Variants in CDH15 observed in about 807,000 individuals in gnomAD.
CDH15 encodes the protein cadherin-15.
CDH15 carries 73 observed loss-of-function variants against 69.4 expected under a neutral mutation model. That is an observed-to-expected ratio of 1.05 (90% confidence interval 0.87 to 1.28). CDH15 has a LOEUF of 1.28. Among genes scored for constraint, CDH15 ranks in the 50% most tolerant of loss-of-function variants. The pLI, the probability that CDH15 is intolerant of heterozygous loss-of-function variation, is 0.00. For missense variants in CDH15, 1,343 were observed against 1,133.6 expected (o/e 1.18, Z -2.65); for synonymous variants, 624 against 507.7 (o/e 1.23, Z -3.08).
chr16:89,192,505 G>C (rs758568874), intron 11 of CDH15, 61 bp downstream of exon 11: 3 of 1,538,834 alleles, frequency 1.9e-6, no homozygotes, highest in African/African-American at 2.7e-5. Context: ...TCCCCAGGCC[G>C]TCCCCTGCTA....
In CDH15 at chr16:89,190,236, C is replaced by A. The variant is rs774448155; in HGVS notation, c.979-7C>A. 3 of 1,611,578 alleles carry A rather than the reference C, an allele frequency of 1.9e-6. No individual in the cohort carries two copies. Among genetic ancestry groups the A allele is most frequent in the African/African-American group, 1.3e-5 (1 of 74,942 alleles). On this transcript the variant is annotated splice_polypyrimidine_tract_variant and splice_region_variant and intron_variant, in intron 7 of 13. Transcript: ENST00000289746. The stretch of plus-strand genomic sequence containing the variant: ...GGCGGATGACGGGCTGTGCTTCCTT[C>A]CCTCAGGCCCTGGACTATGAGAGCT...
chr16:89,191,433 G>A lies in CDH15; in HGVS notation c.1336G>A (p.Gly446Ser), dbSNP rs1478256609. The A allele has an allele frequency of 6.2e-7, 1 of 1,612,720 alleles. No homozygotes were observed. The highest frequency in any genetic ancestry group is 8.5e-7 in the Non-Finnish European group (1 of 1,179,998). Residue 446 changes from glycine (G) to serine (S), a missense_variant, in exon 9 of 14, where the codon GGC (glycine) becomes AGC (serine). Physicochemically the swap from Gly to Ser is moderately conservative, Grantham distance 56. Transcript: ENST00000289746. Reference protein sequence around the residue: ...VLSPASPFLKGGWYRAIVLAQ... With the variant: ...VLSPASPFLKSGWYRAIVLAQ... ...CAGCCCGGCGTCCCCCTTCCTCAAG[G>A]GCGGCTGGTACAGAGCCATCGTCCT...
chr16:89,187,989 T>C, intron 6 of CDH15, 111 bp from the exon 7 acceptor site: 1 of 781,772 alleles, frequency 1.3e-6, no homozygotes, highest in South Asian at 1.7e-5. Context: ...GTGTTCCTGC[T>C]GGGAGGCAGG....
At chr16:89,179,736 G>A (rs562120051) in intron 2 of CDH15, among the ~76,000 whole-genome samples, 162 bp downstream of exon 2, 14 of 152,328 alleles carry the variant, frequency 9.2e-5, no homozygotes, top group Admixed American at 2.0e-4. Context: ...TTCCAACCTG[G>A]GTCTAGAGCA....
chr16:89,190,230 T>G lies in CDH15; in HGVS notation c.979-13T>G. The G allele has an allele frequency of 6.2e-7, 1 of 1,611,234 alleles. No individual in the cohort carries two copies. The highest frequency in any genetic ancestry group is 8.5e-7 in the Non-Finnish European group (1 of 1,179,336). ...GCGTTGGGCGGATGACGGGCTGTGC[T>G]TCCTTCCCTCAGGCCCTGGACTATG... On this transcript the variant is annotated splice_polypyrimidine_tract_variant and intron_variant, in intron 7 of 13. Coordinates refer to ENST00000289746, the MANE Select transcript of CDH15 (RefSeq NM_004933.3).
Position 89,195,436 on chromosome 16 carries a change from A to C in CDH15, c.*281A>C. 6 of 496,848 alleles carry C rather than the reference A, an allele frequency of 1.2e-5. No individual in the cohort carries two copies. The highest frequency in any genetic ancestry group is 1.8e-5 in the Non-Finnish European group (5 of 279,016). 30.8% of individuals were successfully genotyped at this position (496,848 alleles called of 1,614,324 possible). ...ACCAGTGAACCTCATCTTTGTATGA[A>C]AGACAGCAACCTCCTGGGTAAATCT... On this transcript the variant is annotated 3_prime_UTR_variant, in exon 14 of 14. Coordinates refer to ENST00000289746, the MANE Select transcript of CDH15 (RefSeq NM_004933.3).
Position 89,190,340 on chromosome 16 carries a change from A to T in CDH15, c.1076A>T (p.Gln359Leu). Residue 359 changes from glutamine (Q) to leucine (L), a missense_variant, in exon 8 of 14, where the codon CAG becomes CTG. Physicochemically the swap from Gln to Leu is moderately radical, Grantham distance 113. Coordinates refer to ENST00000289746, the MANE Select transcript of CDH15 (RefSeq NM_004933.3). ...GCTGCCCTTAGGGCTGAGCGGGGCC[A>T]GGCCAAGGTCCGCGTGCATGTGCAG... ...QAAALRAERG[Q>L]AKVRVHVQDT... is the part of the protein sequence containing the mutation. The T allele has an allele frequency of 6.2e-7, 1 of 1,612,668 alleles. No individual in the cohort carries two copies. The highest frequency in any genetic ancestry group is 1.7e-5 in the Admixed American group (1 of 59,966).
intron 3 of CDH15, chr16:89,183,099 T>C (rs553810795): frequency 1.3e-5 from 2 of 159,928 alleles, no homozygotes; most frequent in East Asian, 1.8e-4. Flanking sequence ...GGAGAATCGC[T>C]TGAACCCAGG....
At chr16:89,176,431 C>A (rs994425112) in intron 1 of CDH15, among the ~76,000 whole-genome samples, 1 of 152,198 alleles carries the variant, frequency 6.6e-6, no homozygotes, top group Non-Finnish European at 1.5e-5. Flanking sequence ...GTTCTCGGTG[C>A]TCCATTTCAT....
intron 1 of CDH15, among the ~76,000 whole-genome samples, chr16:89,175,142 G>A (rs1457447502): frequency 2.0e-5 from 3 of 152,200 alleles, no homozygotes; most frequent in Admixed American, 2.0e-4. Flanking sequence ...GACAGGCCTG[G>A]GCCCAGGACT....
rs770333207 is a variant in CDH15 at position 89,188,261 on chromosome 16, C to T, written c.954C>T (p.Asn318=). The T allele has an allele frequency of 7.4e-6, 12 of 1,613,468 alleles. No individual in the cohort carries two copies. In the Admixed American group the frequency reaches 1.0e-4, roughly 13 times the overall value. ...QFTIRTDPKT[N]EGVLSIVKAL... ...CCATCCGCACGGACCCCAAGACCAA[C>T]GAGGGTGTTCTGTCCATTGTGAAGG... Residue 318 remains asparagine, a synonymous_variant, in exon 7 of 14, where the codon AAC becomes AAT. Transcript: ENST00000289746.
At chr16:89,172,153 C>T (rs1416202017) in intron 1 of CDH15, among the ~76,000 whole-genome samples, 3 of 152,100 alleles carry the variant, frequency 2.0e-5, no homozygotes, top group South Asian at 2.1e-4. Flanking sequence ...CCCAGGTAGC[C>T]GTGCCCTCTC....
chr16:89,193,383 C>A, intron 11 of CDH15, 87 bp from the exon 12 acceptor site: 5 of 950,482 alleles, frequency 5.3e-6, no homozygotes, highest in South Asian at 4.8e-5. Flanking sequence ...TGCCCCGCCC[C>A]GCCCCCTCCT....
intron 11 of CDH15, among the ~76,000 whole-genome samples, chr16:89,192,702 TC>T: frequency 4.0e-5 from 1 of 25,164 alleles, no homozygotes. Context: ...CCACGCCGCT[TC>T]CTCCCCAGCT....
intron 1 of CDH15, 82 bp from the exon 2 acceptor site, chr16:89,179,334 C>A: frequency 6.5e-7 from 1 of 1,547,600 alleles, no homozygotes; most frequent in South Asian, 1.1e-5. Flanking sequence ...GTGGCCTCCT[C>A]ACCACCCACA....
intron 1 of CDH15, among the ~76,000 whole-genome samples, chr16:89,176,136 G>A (rs1270719066): frequency 1.3e-5 from 2 of 152,264 alleles, no homozygotes; most frequent in African/African-American, 4.8e-5. Flanking sequence ...CAGGCTTCCT[G>A]GCCATGCCAA....
intron 2 of CDH15, 129 bp downstream of exon 2, chr16:89,179,703 C>T: frequency 1.1e-6 from 1 of 942,486 alleles, no homozygotes; most frequent in Non-Finnish European, 1.6e-6. Flanking sequence ...GCAGGACTCG[C>T]CCACCTTGCC....
At chr16:89,192,010 G>A (rs1915658382) in intron 10 of CDH15, 116 bp downstream of exon 10, 2 of 1,198,246 alleles carry the variant, frequency 1.7e-6, no homozygotes, top group Admixed American at 2.1e-5. Context: ...TCCTGCAACA[G>A]GTCCCCTCCC....
intron 3 of CDH15, among the ~76,000 whole-genome samples, chr16:89,181,895 C>CG (rs900602119): frequency 2.0e-5 from 3 of 150,778 alleles, no homozygotes; most frequent in Admixed American, 6.6e-5. Flanking sequence ...GCTGAGTCCT[C>CG]GCCACTGCAC....
Sources: allele counts gnomAD v4.1 joint callset (sites outside exome capture counted in the v4.1 genomes callset), GRCh38; gene constraint gnomAD v4.1.1; transcripts MANE v1.5; gene names NCBI Gene and HGNC (gene_info 2026-07-23, HGNC 2026-07-21).